RABGAP1: variants seen among roughly 807,000 people sequenced by gnomAD.
RABGAP1 encodes RAB GTPase activating protein 1.
A neutral mutation model predicts 137.6 loss-of-function variants in RABGAP1; 23 were observed. That is an observed-to-expected ratio of 0.17 (90% CI 0.12 to 0.24). The LOEUF is 0.24. RABGAP1 is among the 10% of genes least tolerant of loss of function. RABGAP1 has a pLI of 1.00. For synonymous variants in RABGAP1, 451 were observed against 450.7 expected (o/e 1.00, Z -0.01); for missense variants, 906 against 1,275.8 (o/e 0.71, Z 4.42).
intron 6 of RABGAP1, among the ~76,000 whole-genome samples, chr9:122,992,770 C>G (rs1309949901): frequency 6.8e-6 from 1 of 147,290 alleles, no homozygotes; most frequent in Admixed American, 6.8e-5. Flanking sequence ...TTATATAAAA[C>G]CTATTATATA....
At chr9:123,057,898 C>T (rs1207545557) in intron 13 of RABGAP1, among the ~76,000 whole-genome samples, 3 of 152,202 alleles carry the variant, frequency 2.0e-5, no homozygotes, top group Non-Finnish European at 2.9e-5. Flanking sequence ...CAAAAAAATA[C>T]GAAAACCAGT....
chr9:123,093,431 C>A (rs1485182346), intron 21 of RABGAP1, among the ~76,000 whole-genome samples: 1 of 152,204 alleles, frequency 6.6e-6, no homozygotes, highest in African/African-American at 2.4e-5. Context: ...ATGTCCGAGT[C>A]CCCTCTAGCA....
At chr9:122,980,187 A>G (rs1835971518) in intron 2 of RABGAP1, among the ~76,000 whole-genome samples, 1 of 152,238 alleles carries the variant, frequency 6.6e-6, no homozygotes, top group African/African-American at 2.4e-5. Context: ...AGGCCTGCAA[A>G]GCCTAAAATA....
chr9:122,938,580 A>G (rs1833427470), upstream of RABGAP1: 1 of 152,268 alleles, frequency 6.6e-6, no homozygotes, highest in Non-Finnish European at 1.5e-5. Flanking sequence ...AATGGATTAG[A>G]TGATAAAAAC....
intron 25 of RABGAP1, 90 bp from the exon 26 acceptor site, chr9:123,103,001 T>C (rs1000627342): frequency 1.0e-5 from 15 of 1,497,000 alleles, no homozygotes; most frequent in Non-Finnish European, 1.2e-5. Context: ...CCAGAGTAAA[T>C]AGACTGCATT....
intron 12 of RABGAP1, among the ~76,000 whole-genome samples, chr9:123,016,854 G>A (rs543512467): frequency 1.3e-5 from 2 of 152,282 alleles, no homozygotes; most frequent in Admixed American, 6.5e-5. Context: ...ATGCCCTTAA[G>A]GGATAGGACT....
chr9:122,959,357 G>A lies in RABGAP1; in HGVS notation c.150+2148G>A, dbSNP rs914402200. On this transcript the variant is annotated intron_variant, in intron 2 of 25. Coordinates refer to ENST00000373647, the MANE Select transcript of RABGAP1 (RefSeq NM_012197.4). ...CTGTGGAGCTTAATAGAAAGTGTGG[G>A]GCTTTACAAAAAAAAAAAAAAAAAA... Among the ~76,000 whole-genome samples, 4 of 107,574 alleles carry A rather than the reference G, an allele frequency of 3.7e-5. No individual in the cohort carries two copies. The South Asian group carries it at 1.7e-3, about 44-fold the overall frequency. The allele number at this position is 107,574 out of a possible 152,430, so 70.6% of individuals were successfully genotyped here. A position where few individuals can be genotyped will look rare whatever the true frequency, so the allele number is the denominator to read the frequency against.
At chr9:123,036,661 G>A (rs1165213401) in intron 13 of RABGAP1, among the ~76,000 whole-genome samples, 1 of 152,088 alleles carries the variant, frequency 6.6e-6, no homozygotes, top group Non-Finnish European at 1.5e-5. Context: ...CATTTTCTTT[G>A]TGGTTAAATG....
At chr9:123,028,064 T>C (rs1219904543) in intron 13 of RABGAP1, among the ~76,000 whole-genome samples, 1 of 152,222 alleles carries the variant, frequency 6.6e-6, no homozygotes, top group Admixed American at 6.5e-5. Flanking sequence ...TGGAAACATA[T>C]TTGGTTTGTC....
chr9:123,087,639 C>T (rs1477878884), intron 19 of RABGAP1, among the ~76,000 whole-genome samples: 1 of 152,148 alleles, frequency 6.6e-6, no homozygotes, highest in African/African-American at 2.4e-5. Flanking sequence ...GTGGCCTCAC[C>T]CCAGGTGTTG....
At position 123,031,544 on chromosome 9, in the gene RABGAP1, T is replaced by A. The variant is rs535141239; in HGVS notation, c.1794+11085T>A. ...TTAGAAAAATGAACAAAACTGTAAGTTTAGGTGGTAATCATCTTCTATGGT... is the reference window on the plus strand; with the variant it reads ...TTAGAAAAATGAACAAAACTGTAAGATTAGGTGGTAATCATCTTCTATGGT... On this transcript the variant is annotated intron_variant, in intron 13 of 25. Coordinates refer to ENST00000373647, the MANE Select transcript of RABGAP1 (RefSeq NM_012197.4). Among the ~76,000 whole-genome samples the A allele has an allele frequency of 1.1e-4, 16 of 152,086 alleles. No homozygotes were observed. The South Asian group carries it at 3.1e-3, about 30-fold the overall frequency.
chr9:123,072,835 T>C (rs1296102564), intron 15 of RABGAP1, among the ~76,000 whole-genome samples: 2 of 152,264 alleles, frequency 1.3e-5, no homozygotes, highest in Non-Finnish European at 2.9e-5. Flanking sequence ...TCTTGACTTT[T>C]TTGAAGGCTT....
At chr9:123,057,888 C>CA (rs1188867640) in intron 13 of RABGAP1, among the ~76,000 whole-genome samples, 1 of 152,128 alleles carries the variant, frequency 6.6e-6, no homozygotes, top group Non-Finnish European at 1.5e-5. Context: ...CCGTCTCCAC[C>CA]AAAAAAATAC....
intron 13 of RABGAP1, among the ~76,000 whole-genome samples, chr9:123,048,218 C>T (rs1348920114): frequency 6.6e-6 from 1 of 152,208 alleles, no homozygotes; most frequent in South Asian, 2.1e-4. Flanking sequence ...GGATTACAGG[C>T]GTGAGCCATC....
chr9:122,988,695 C>T (rs569052111), intron 4 of RABGAP1, among the ~76,000 whole-genome samples: 1 of 151,854 alleles, frequency 6.6e-6, no homozygotes, highest in African/African-American at 2.4e-5. Context: ...TGCCTGTAAT[C>T]CCAGCACTTT....
chr9:123,029,466 T>A, intron 13 of RABGAP1: 1 of 1,471,444 alleles, frequency 6.8e-7, no homozygotes, highest in Non-Finnish European at 9.5e-7. Flanking sequence ...ACCAGTTTGA[T>A]AAGTCCTTTA....
At chr9:123,091,182 T>C (rs1237635752) in intron 21 of RABGAP1, among the ~76,000 whole-genome samples, 2 of 152,192 alleles carry the variant, frequency 1.3e-5, no homozygotes, top group African/African-American at 4.8e-5. Context: ...TGCCAACCCT[T>C]TAGGTTTCCC....
chr9:123,040,467 G>C (rs2032898836), intron 13 of RABGAP1, among the ~76,000 whole-genome samples: 1 of 152,094 alleles, frequency 6.6e-6, no homozygotes, highest in Non-Finnish European at 1.5e-5. Context: ...AATCATCCCT[G>C]CTTCCATTAT....
intron 13 of RABGAP1, among the ~76,000 whole-genome samples, chr9:123,028,493 A>G (rs2032111291): frequency 6.6e-6 from 1 of 152,228 alleles, no homozygotes. Flanking sequence ...TCTCTTGCTC[A>G]GAAATTAGCC....
Sources: allele counts gnomAD v4.1 joint callset (sites outside exome capture counted in the v4.1 genomes callset), GRCh38; gene constraint gnomAD v4.1.1; transcripts MANE v1.5; gene names NCBI Gene and HGNC (gene_info 2026-07-23, HGNC 2026-07-21).